The following DPP6 variants were observed in gnomAD, a reference collection of about 807,000 sequenced individuals.
DPP6 encodes dipeptidyl peptidase like 6.
Under a neutral mutation model 122.6 loss-of-function variants are expected in DPP6, and 69 were observed. The observed-to-expected ratio is 0.56, with a 90% CI of 0.46 to 0.69. The LOEUF (loss-of-function observed/expected upper bound fraction) is 0.69, where lower values mean the gene tolerates loss of function less well. DPP6 is among the 30% of genes least tolerant of loss of function. The pLI is 0.00. For synonymous variants in DPP6, 418 were observed against 433.1 expected (o/e 0.97, Z 0.43); for missense variants, 928 against 1,116.9 (o/e 0.83, Z 2.41).
chr7:153,811,226 A>G, the DPP6 span, among the ~76,000 whole-genome samples: 753 of 152,336 alleles, frequency 4.9e-3, 7 homozygotes, highest in African/African-American at 0.017. Flanking sequence ...AGGATGCTCC[A>G]CAATTCCCTC....
At chr7:154,100,180 A>C (rs577003880) in intron 1 of DPP6, among the ~76,000 whole-genome samples, 1 of 109,446 alleles carries the variant, frequency 9.1e-6, no homozygotes, top group Non-Finnish European at 1.8e-5. Flanking sequence ...CAACTTCCAG[A>C]GTAGAAGTGG....
intron 1 of DPP6, among the ~76,000 whole-genome samples, chr7:154,086,060 C>T (rs1441757939): frequency 2.6e-5 from 4 of 151,922 alleles, no homozygotes; most frequent in Non-Finnish European, 2.9e-5. Flanking sequence ...AAATATAGAC[C>T]TTTGATGAAG....
intron 21 of DPP6, chr7:154,884,541 GCA>G (rs1406814376): frequency 7.1e-6 from 1 of 140,776 alleles, no homozygotes; most frequent in Non-Finnish European, 1.5e-5. Context: ...ACATGTTCAC[GCA>G]CACATGCTCA....
At position 154,801,386 on chromosome 7, in the gene DPP6, G is replaced by GA; in HGVS notation, c.1334dup (p.Phe446ValfsTer50). On this transcript the variant is annotated frameshift_variant, in exon 13 of 26. Transcript: ENST00000377770. LOFTEE classifies it high-confidence loss of function. ...GAACCTGTGTTCTCCAAGGATGGCC[G>GA]AAAGTTTTTCTTCATCAGAGCCATC... The GA allele has an allele frequency of 6.3e-7, 1 of 1,595,826 alleles. No homozygotes were observed. The highest frequency in any genetic ancestry group is 8.5e-7 in the Non-Finnish European group (1 of 1,170,382).
intron 16 of DPP6, among the ~76,000 whole-genome samples, chr7:154,853,536 G>A (rs1458011243): frequency 2.0e-5 from 3 of 152,214 alleles, no homozygotes; most frequent in African/African-American, 7.2e-5. Context: ...ACAATAATCT[G>A]AAAATATGGA....
chr7:154,000,082 T>A (rs532456486), intron 1 of DPP6, among the ~76,000 whole-genome samples: 1 of 152,294 alleles, frequency 6.6e-6, no homozygotes, highest in Admixed American at 6.5e-5. Flanking sequence ...CAATACCGTA[T>A]GTGTTTAGTG....
chr7:154,033,826 T>C (rs1799381480), intron 1 of DPP6, among the ~76,000 whole-genome samples: 1 of 147,474 alleles, frequency 6.8e-6, no homozygotes, highest in East Asian at 2.0e-4. Context: ...TGGTGCCCAC[T>C]CCTCTGCACA....
chr7:154,121,437 T>C (rs1425926855), intron 1 of DPP6, among the ~76,000 whole-genome samples: 1 of 152,224 alleles, frequency 6.6e-6, no homozygotes. Context: ...ACTGTTTTTA[T>C]TGCATTCCCT....
In DPP6 at chr7:154,803,968, C is replaced by T; in HGVS notation, c.1499+13C>T. ...AGGGGAATAAGATGTGAGTGAGAAC[C>T]AGGGGCCTGCCCCATCTTACTGGCC... On this transcript the variant is annotated intron_variant, in intron 14 of 25. Coordinates refer to ENST00000377770, the MANE Select transcript of DPP6 (RefSeq NM_130797.4). 2 of 1,612,152 alleles carry T rather than the reference C, an allele frequency of 1.2e-6. No homozygotes were observed.
chr7:154,398,624 C>T (rs1417529999), intron 1 of DPP6, among the ~76,000 whole-genome samples: 4 of 152,128 alleles, frequency 2.6e-5, no homozygotes, highest in Non-Finnish European at 5.9e-5. Context: ...TTCTCTCTCT[C>T]TCTCTCCTGG....
At chr7:154,504,605 C>T (rs1294035562) in intron 3 of DPP6, among the ~76,000 whole-genome samples, 4 of 152,156 alleles carry the variant, frequency 2.6e-5, no homozygotes, top group Non-Finnish European at 5.9e-5. Flanking sequence ...ACTCCTGTCT[C>T]ATTCTTCTTT....
Position 154,441,502 on chromosome 7 carries a change from C to T in DPP6, c.244-4712C>T, listed in dbSNP as rs918022632. Among the ~76,000 whole-genome samples, 27 of 152,268 alleles carry T rather than the reference C, an allele frequency of 1.8e-4. 1 individual carries two copies. In the Middle Eastern group the frequency reaches 0.014, roughly 77 times the overall value. On this transcript the variant is annotated intron_variant, in intron 1 of 25. Transcript: ENST00000377770. Reference sequence around the variant, plus strand: ...TTTCCTCCTTGCAGCGTTCAAAAATCGTCTCCAACTTAGAGTTCTCATTTG... The same window carrying T: ...TTTCCTCCTTGCAGCGTTCAAAAATTGTCTCCAACTTAGAGTTCTCATTTG...
At chr7:153,823,707 G>A in the DPP6 span, among the ~76,000 whole-genome samples, 1 of 151,844 alleles carries the variant, frequency 6.6e-6, no homozygotes, top group African/African-American at 2.4e-5. Flanking sequence ...TCCATGTCTT[G>A]ATTGTCGTAG....
chr7:154,052,649 GGC>G lies in DPP6; in HGVS notation c.-166_-165del. 1 of 1,260,646 alleles carries G rather than the reference GGC, an allele frequency of 7.9e-7. No homozygotes were observed. The highest frequency in any genetic ancestry group is 1.0e-6 in the Non-Finnish European group (1 of 992,216). The allele number at this position is 1,260,646 out of a possible 1,614,324, so 78.1% of individuals were successfully genotyped here. A position where few individuals can be genotyped will look rare whatever the true frequency, so the allele number is the denominator to read the frequency against. On this transcript the variant is annotated 5_prime_UTR_variant, in exon 1 of 26. Transcript: ENST00000377770. This position sits in a 1 kb window ranked among gnomAD's most constrained non-coding sequence, Gnocchi z 4.8. ...GAGTCGCCAGCGGAGACTCGCGAGT[GGC>G]GCGCGGGAGGAGCGGCCGCCGGCGC... is the stretch of plus-strand genomic sequence containing the variant.
At chr7:154,560,056 A>G (rs1830321715) in intron 4 of DPP6, among the ~76,000 whole-genome samples, 1 of 151,340 alleles carries the variant, frequency 6.6e-6, no homozygotes, top group Non-Finnish European at 1.5e-5. Flanking sequence ...AACCTATACT[A>G]TGAGAAACTT....
Position 154,670,300 on chromosome 7 carries a change from G to A in DPP6, c.762+859G>A, listed in dbSNP as rs1838477560. On this transcript the variant is annotated intron_variant, in intron 7 of 25. Coordinates refer to ENST00000377770, the MANE Select transcript of DPP6 (RefSeq NM_130797.4). ...TCTTCATGGATTCCTTCTCAAATTG[G>A]CAAAACTGCTGGGTTTCTGTGAATG... Among the ~76,000 whole-genome samples the A allele has an allele frequency of 2.0e-5, 3 of 152,110 alleles. No individual in the cohort carries two copies. In the South Asian group the frequency reaches 6.2e-4, roughly 32 times the overall value.
At chr7:154,790,130 G>A (rs975918058) in intron 10 of DPP6, among the ~76,000 whole-genome samples, 7 of 152,262 alleles carry the variant, frequency 4.6e-5, no homozygotes, top group Admixed American at 6.5e-5. Context: ...CCCAGGAGGC[G>A]GAGGTTGCAG....
At chr7:154,345,649 C>G (rs1810333880) in intron 1 of DPP6, among the ~76,000 whole-genome samples, 1 of 152,142 alleles carries the variant, frequency 6.6e-6, no homozygotes, top group South Asian at 2.1e-4. Flanking sequence ...CTTTGCTGTT[C>G]CTCCTTCCGC....
chr7:154,182,673 G>A (rs761550053), intron 1 of DPP6, among the ~76,000 whole-genome samples: 20 of 152,028 alleles, frequency 1.3e-4, no homozygotes, highest in Admixed American at 6.5e-4. Flanking sequence ...AGTATCCTCC[G>A]TCTTCATGAC....
Sources: allele counts gnomAD v4.1 joint callset (sites outside exome capture counted in the v4.1 genomes callset), GRCh38; gene constraint gnomAD v4.1.1; non-coding constraint Gnocchi (gnomAD v3.1); transcripts MANE v1.5; gene names NCBI Gene and HGNC (gene_info 2026-07-23, HGNC 2026-07-21).